Variants in CASZ1 observed in about 807,000 individuals in gnomAD.
CASZ1 encodes the protein zinc finger protein castor homolog 1.
Under a neutral mutation model 135.2 loss-of-function variants are expected in CASZ1, and 28 were observed. The ratio of observed to expected loss-of-function variants is 0.21; its 90% confidence interval spans 0.15 to 0.28. The LOEUF (loss-of-function observed/expected upper bound fraction) is 0.28, where lower values mean the gene tolerates loss of function less well. CASZ1 is among the 10% of genes least tolerant of loss of function. The pLI, the probability that CASZ1 is intolerant of heterozygous loss-of-function variation, is 1.00. For missense variants in CASZ1, 2,161 were observed against 2,453.3 expected (o/e 0.88, Z 2.52); for synonymous variants, 1,068 against 1,073.4 (o/e 0.99, Z 0.10).
intron 4 of CASZ1, among the ~76,000 whole-genome samples, chr1:10,691,481 G>C (rs549369796): frequency 2.6e-5 from 4 of 152,202 alleles, no homozygotes; most frequent in Non-Finnish European, 4.4e-5. Flanking sequence ...GTTAACCTAC[G>C]ATCAGGGAGG....
chr1:10,731,719 T>C (rs754215057), intron 2 of CASZ1, among the ~76,000 whole-genome samples: 1 of 152,254 alleles, frequency 6.6e-6, no homozygotes, highest in Non-Finnish European at 1.5e-5. Flanking sequence ...GAGTCTGTGA[T>C]AGTCTGCAAA....
chr1:10,693,614 C>T (rs1638835435), intron 4 of CASZ1, among the ~76,000 whole-genome samples: 1 of 151,794 alleles, frequency 6.6e-6, no homozygotes, highest in African/African-American at 2.4e-5. Flanking sequence ...TCTCTGGGTG[C>T]CCCCCAGCTC....
intron 2 of CASZ1, among the ~76,000 whole-genome samples, chr1:10,738,414 C>T (rs374197717): frequency 2.3e-3 from 349 of 152,354 alleles, no homozygotes; most frequent in African/African-American, 7.9e-3. Flanking sequence ...GCTGGCAGGA[C>T]GGGTGCCCAC....
At chr1:10,643,099 C>T (rs1167238698) in intron 19 of CASZ1, 61 bp downstream of exon 19, 6 of 1,596,446 alleles carry the variant, frequency 3.8e-6, no homozygotes, top group South Asian at 1.1e-5. Flanking sequence ...TGAGAGTGAG[C>T]GTGGGACCAT....
chr1:10,647,562 G>A lies in CASZ1; in HGVS notation c.3497+239C>T, dbSNP rs149911918. 2,711 of 1,403,446 alleles carry A rather than the reference G, an allele frequency of 1.9e-3. 51 individuals are homozygous for A. The African/African-American group carries it at 0.035, about 18-fold the overall frequency. The allele number at this position is 1,403,446 out of a possible 1,614,324, so 86.9% of individuals were successfully genotyped here. ...GGCAGGATCACCACATGCCCTGCAG[G>A]AGCAGTAGCCACTGCCGCCACCATC... On this transcript the variant is annotated intron_variant, in intron 16 of 20. Transcript: ENST00000377022. The surrounding 1 kb of genome is among the most constrained non-coding windows in gnomAD (Gnocchi z 4.9).
At chr1:10,782,122 A>C (rs1363018333) in intron 1 of CASZ1, among the ~76,000 whole-genome samples, 1 of 152,228 alleles carries the variant, frequency 6.6e-6, no homozygotes, top group Non-Finnish European at 1.5e-5. Context: ...CCCTCTATAG[A>C]GACAGGTTGG....
intron 1 of CASZ1, among the ~76,000 whole-genome samples, chr1:10,769,430 T>C (rs1227927110): frequency 3.3e-5 from 5 of 152,254 alleles, no homozygotes; most frequent in Non-Finnish European, 5.9e-5. Context: ...CAGGTTTAGA[T>C]AGATAACTCA....
rs559058698 is a variant in CASZ1, at chr1:10,721,705, G to A, written c.-76-16161C>T. Among the ~76,000 whole-genome samples, 4 of 152,326 alleles carry A rather than the reference G, an allele frequency of 2.6e-5. No homozygotes were observed. Among genetic ancestry groups the A allele is most frequent in the Non-Finnish European group, 5.9e-5 (4 of 68,026 alleles). ...ACCTCACCACTGACCTGCAAGTGCC[G>A]ACCTGCAAACCAGGAAGTGGACGGC... On this transcript the variant is annotated intron_variant, in intron 2 of 20. Transcript: ENST00000377022. This position sits in a 1 kb window ranked among gnomAD's most constrained non-coding sequence, Gnocchi z 5.4.
At position 10,757,033 on chromosome 1, in the gene CASZ1, T is replaced by G. The variant is rs929193169; in HGVS notation, c.-77+3668A>C. 3.9e-5 allele frequency among the ~76,000 whole-genome samples: 6 copies of G among 152,160 alleles called. No homozygotes were observed. Among genetic ancestry groups the G allele is most frequent in the Non-Finnish European group, 7.3e-5 (5 of 68,034 alleles). ...CAGAGCCAGGGCTGAAAGGATAGTG[T>G]GTGTCCTGGCCTGCTCCCAGGCTCA... On this transcript the variant is annotated intron_variant, in intron 2 of 20. Coordinates refer to ENST00000377022, the MANE Select transcript of CASZ1 (RefSeq NM_001079843.3). This position sits in a 1 kb window ranked among gnomAD's most constrained non-coding sequence, Gnocchi z 4.6.
At chr1:10,664,314 G>A (rs749213742) in intron 5 of CASZ1, among the ~76,000 whole-genome samples, 32 of 151,982 alleles carry the variant, frequency 2.1e-4, no homozygotes, top group African/African-American at 7.5e-4. Flanking sequence ...TGGTCCTGGC[G>A]ACCCCCTTGC....
rs1334931989 is a variant in CASZ1, at chr1:10,776,924, A to G, written c.-233-16067T>C. On this transcript the variant is annotated intron_variant, in intron 1 of 20. Coordinates refer to ENST00000377022, the MANE Select transcript of CASZ1 (RefSeq NM_001079843.3). This position sits in a 1 kb window ranked among gnomAD's most constrained non-coding sequence, Gnocchi z 4.1. ...ACCAGTCACCCCCAAACACAGCCCC[A>G]CCATCTGATCCCCTAGGAGGGTCCC... Among the ~76,000 whole-genome samples, 1 of 152,108 alleles carries G rather than the reference A, an allele frequency of 6.6e-6. No individual in the cohort carries two copies. The highest frequency in any genetic ancestry group is 1.5e-5 in the Non-Finnish European group (1 of 68,008).
chr1:10,753,899 A>G (rs1640196420), intron 2 of CASZ1, among the ~76,000 whole-genome samples: 1 of 151,836 alleles, frequency 6.6e-6, no homozygotes, highest in Non-Finnish European at 1.5e-5. Flanking sequence ...TTCTTATTTC[A>G]CTCTGGGTAA....
chr1:10,762,149 C>A lies in CASZ1; in HGVS notation c.-233-1292G>T, dbSNP rs1164480827. On this transcript the variant is annotated intron_variant, in intron 1 of 20. Transcript: ENST00000377022. This position sits in a 1 kb window ranked among gnomAD's most constrained non-coding sequence, Gnocchi z 4.1. Reference sequence around the variant, plus strand: ...GGACCTGAGTGCGAGGGGGAGTTGGCTCTTTGAAGGTGAGAGCTTCAGCAT... The same window carrying A: ...GGACCTGAGTGCGAGGGGGAGTTGGATCTTTGAAGGTGAGAGCTTCAGCAT... Among the ~76,000 whole-genome samples, 1 of 152,098 alleles carries A rather than the reference C, an allele frequency of 6.6e-6. No individual in the cohort carries two copies. Among genetic ancestry groups the A allele is most frequent in the Non-Finnish European group, 1.5e-5 (1 of 68,016 alleles).
rs182615494 is a variant in CASZ1, at chr1:10,764,104, C to T, written c.-233-3247G>A. ...TCTCGAACTCCTGACCTCAGGTGATCGGCCTGCCTTGGCCTTCCAAAGTGC... is the reference window on the plus strand; with the variant it reads ...TCTCGAACTCCTGACCTCAGGTGATTGGCCTGCCTTGGCCTTCCAAAGTGC... On this transcript the variant is annotated intron_variant, in intron 1 of 20. Transcript: ENST00000377022. 1.4e-3 allele frequency among the ~76,000 whole-genome samples: 218 copies of T among 152,352 alleles called. 1 individual carries two copies. Among genetic ancestry groups the T allele is most frequent in the Non-Finnish European group, 2.5e-3 (169 of 68,034 alleles).
In CASZ1 at chr1:10,639,112, C is replaced by G; in HGVS notation, c.5110G>C (p.Glu1704Gln). 1 of 1,153,422 alleles carries G rather than the reference C, an allele frequency of 8.7e-7. No individual in the cohort carries two copies. The highest frequency in any genetic ancestry group is 2.1e-5 in the South Asian group (1 of 47,898). 71.4% of individuals were successfully genotyped at this position (1,153,422 alleles called of 1,614,324 possible). ...DEDDDEDDDD[E>Q]DDDEDDDDED... ...TCGTCGTCGTCCTCGTCGTCGTCCT[C>G]GTCGTCGTCGTCCTCGTCGTCGTCC... The change falls in exon 21 of 21, where the codon GAG becomes CAG. Residue 1704 changes from glutamate to glutamine, a missense_variant. Glu to Gln is a conservative substitution (Grantham distance 29). Transcript: ENST00000377022. The surrounding 1 kb of genome is among the most constrained non-coding windows in gnomAD (Gnocchi z 4.0).
intron 2 of CASZ1, among the ~76,000 whole-genome samples, chr1:10,731,829 G>A (rs982812513): frequency 3.3e-5 from 5 of 152,090 alleles, no homozygotes; most frequent in East Asian, 1.9e-4. Flanking sequence ...AAGGTTATGC[G>A]AAAGAAACTT....
In CASZ1 at chr1:10,767,355, C is replaced by T. The variant is rs1462042226; in HGVS notation, c.-233-6498G>A. Among the ~76,000 whole-genome samples the T allele has an allele frequency of 6.6e-6, 1 of 152,228 alleles. No homozygotes were observed. Among genetic ancestry groups the T allele is most frequent in the Non-Finnish European group, 1.5e-5 (1 of 68,036 alleles). ...GGCCCCATCTCCCAGCAATGGAGGCCCAAAGCCTGGGACGGGTCCTATTTC... is the reference window on the plus strand; with the variant it reads ...GGCCCCATCTCCCAGCAATGGAGGCTCAAAGCCTGGGACGGGTCCTATTTC... On this transcript the variant is annotated intron_variant, in intron 1 of 20. Transcript: ENST00000377022. The surrounding 1 kb of genome is among the most constrained non-coding windows in gnomAD (Gnocchi z 4.2).
At chr1:10,791,081 CAAAA>C (rs61062042) in intron 1 of CASZ1, among the ~76,000 whole-genome samples, 1 of 121,186 alleles carries the variant, frequency 8.3e-6, no homozygotes, top group Non-Finnish European at 1.9e-5. Context: ...CTCTTCCCAT[CAAAA>C]AAAAAAAAAA....
At position 10,697,800 on chromosome 1, in the gene CASZ1, T is replaced by A. The variant is rs1206776890; in HGVS notation, c.-23-3888A>T. ...ATAAACTGGTTCCATCTGAGGCGAC[T>A]GGGCCAGGGCACAGAAGCCTTGGCC... On this transcript the variant is annotated intron_variant, in intron 3 of 20. Transcript: ENST00000377022. This position sits in a 1 kb window ranked among gnomAD's most constrained non-coding sequence, Gnocchi z 4.7. Among the ~76,000 whole-genome samples, 1 of 152,266 alleles carries A rather than the reference T, an allele frequency of 6.6e-6. No homozygotes were observed. Among genetic ancestry groups the A allele is most frequent in the Admixed American group, 6.5e-5 (1 of 15,288 alleles).
Sources: gnomAD v4.1 joint callset for allele counts (sites outside exome capture counted in the v4.1 genomes callset) on GRCh38, gnomAD v4.1.1 for gene constraint, Gnocchi (gnomAD v3.1) non-coding constraint, MANE v1.5 for transcripts, NCBI Gene and HGNC (gene_info 2026-07-23, HGNC 2026-07-21) for gene names.